Variants in RBFOX1 observed in about 807,000 individuals in gnomAD.
RBFOX1 encodes RNA binding protein fox-1 homolog 1.
A neutral mutation model predicts 57.7 loss-of-function variants in RBFOX1; 8 were observed. The observed-to-expected ratio is 0.14, with a 90% CI of 0.08 to 0.25. RBFOX1 has a LOEUF of 0.25. Ranked by LOEUF, RBFOX1 falls within the 10% of genes least tolerant of loss-of-function variation. The pLI is 1.00. For missense variants in RBFOX1, 611 were observed against 548.5 expected, an observed-to-expected ratio of 1.11 and a Z score of -1.14; for synonymous variants, 326 against 222.4, an observed-to-expected ratio of 1.47 and a Z score of -4.15.
At chr16:5,995,348 C>A (rs908020579) in intron 4 of RBFOX1, among the ~76,000 whole-genome samples, 8 of 152,186 alleles carry the variant, frequency 5.3e-5, no homozygotes, top group Admixed American at 3.3e-4. Context: ...AATAGGGCAA[C>A]TTCTGTGTAG....
At chr16:6,437,794 G>T (rs552100586) in intron 2 of RBFOX1, among the ~76,000 whole-genome samples, 2 of 152,102 alleles carry the variant, frequency 1.3e-5, no homozygotes, top group Non-Finnish European at 2.9e-5. Context: ...TAAATAACCA[G>T]ACCTCGTGAG....
At chr16:7,296,560 A>G (rs1231617961) in intron 4 of RBFOX1, among the ~76,000 whole-genome samples, 1 of 152,174 alleles carries the variant, frequency 6.6e-6, no homozygotes, top group Non-Finnish European at 1.5e-5. Context: ...GTTAGCTCAC[A>G]TGCTCATGTT....
In RBFOX1 at chr16:7,161,145, A is replaced by G. The variant is rs551346194; in HGVS notation, c.27+109047A>G. Among the ~76,000 whole-genome samples the G allele has an allele frequency of 2.6e-4, 39 of 152,146 alleles. 1 individual carries two copies. Among genetic ancestry groups the G allele is most frequent in the Admixed American group, 7.2e-4 (11 of 15,268 alleles). ...ACCTCTGGGATTACAAAATAATTTT[A>G]TACCACTTTCTATCTCTGGGTGATT... On this transcript the variant is annotated intron_variant, in intron 4 of 15. Transcript: ENST00000550418.
intron 5 of RBFOX1, among the ~76,000 whole-genome samples, chr16:7,575,589 G>C (rs1450507239): frequency 6.6e-6 from 1 of 152,188 alleles, no homozygotes; most frequent in East Asian, 1.9e-4. Context: ...GGCAAGGCAT[G>C]ATTCCTCCCT....
At position 6,785,334 on chromosome 16, in the gene RBFOX1, T is replaced by C. The variant is rs919355622; in HGVS notation, c.-16+130684T>C. Among the ~76,000 whole-genome samples the C allele has an allele frequency of 3.9e-5, 6 of 152,184 alleles. 1 individual carries two copies. The South Asian group carries it at 1.0e-3, about 26-fold the overall frequency. ...CTCATTTATCCAGACATCTCTGTGG[T>C]TCAGCAAATTTCCCAGTTGCCCTGT... On this transcript the variant is annotated intron_variant, in intron 3 of 15. Coordinates refer to ENST00000550418, the MANE Select transcript of RBFOX1 (RefSeq NM_018723.4).
chr16:6,305,479 C>A (rs1033804474), intron 1 of RBFOX1, among the ~76,000 whole-genome samples: 1 of 152,002 alleles, frequency 6.6e-6, no homozygotes, highest in African/African-American at 2.4e-5. Flanking sequence ...TACACATACT[C>A]ACATGCATAT....
intron 4 of RBFOX1, among the ~76,000 whole-genome samples, chr16:7,343,708 T>A (rs552996467): frequency 6.6e-6 from 1 of 152,216 alleles, no homozygotes; most frequent in African/African-American, 2.4e-5. Context: ...CAGGAGGTGG[T>A]ATGGAGTAGG....
intron 4 of RBFOX1, among the ~76,000 whole-genome samples, chr16:7,128,890 G>A (rs551355667): frequency 4.1e-5 from 6 of 147,126 alleles, no homozygotes; most frequent in East Asian, 4.0e-4. Context: ...GTGCAATCTC[G>A]GCTCACTGCA....
chr16:7,442,897 G>C (rs2098780083), intron 4 of RBFOX1, among the ~76,000 whole-genome samples: 1 of 152,150 alleles, frequency 6.6e-6, no homozygotes, highest in South Asian at 2.1e-4. Flanking sequence ...ACTCCATCAA[G>C]GAGATGATTT....
intron 3 of RBFOX1, among the ~76,000 whole-genome samples, chr16:7,001,319 T>G (rs555366404): frequency 1.3e-5 from 2 of 152,102 alleles, no homozygotes; most frequent in African/African-American, 2.4e-5. Flanking sequence ...GGTCAACTTA[T>G]GTATTTCCTA....
intron 1 of RBFOX1, among the ~76,000 whole-genome samples, chr16:5,360,480 A>G (rs747487589): frequency 9.2e-5 from 14 of 152,240 alleles, no homozygotes; most frequent in Non-Finnish European, 1.9e-4. Flanking sequence ...ACCTACATGC[A>G]CAGGTAATGG....
intron 1 of RBFOX1, among the ~76,000 whole-genome samples, chr16:6,259,916 G>A (rs1038838622): frequency 7.3e-5 from 11 of 149,962 alleles, no homozygotes; most frequent in Admixed American, 2.0e-4. Flanking sequence ...AGCTGAGATC[G>A]TGCCACTGAA....
chr16:5,603,101 C>G (rs943091368), downstream of RBFOX1, among the ~76,000 whole-genome samples: 1 of 152,222 alleles, frequency 6.6e-6, no homozygotes, highest in African/African-American at 2.4e-5. Flanking sequence ...CCCTGTGGCA[C>G]CAGTCAGCTC....
intron 2 of RBFOX1, among the ~76,000 whole-genome samples, chr16:6,444,393 C>T (rs577284010): frequency 7.2e-5 from 11 of 152,178 alleles, no homozygotes; most frequent in South Asian, 4.1e-4. Context: ...ACAATTCCTA[C>T]GGGTCATGGG....
intron 2 of RBFOX1, among the ~76,000 whole-genome samples, chr16:5,578,456 A>C (rs1473061065): frequency 6.6e-6 from 1 of 152,192 alleles, no homozygotes; most frequent in African/African-American, 2.4e-5. Flanking sequence ...TGGGCTCTAA[A>C]GCCCACCAGG....
chr16:7,253,794 G>A (rs2094574722), intron 4 of RBFOX1, among the ~76,000 whole-genome samples: 1 of 152,102 alleles, frequency 6.6e-6, no homozygotes, highest in Non-Finnish European at 1.5e-5. Flanking sequence ...TTCATGATGG[G>A]AAGGAATCTT....
At chr16:6,115,537 A>T (rs2096488685) in intron 1 of RBFOX1, among the ~76,000 whole-genome samples, 1 of 152,114 alleles carries the variant, frequency 6.6e-6, no homozygotes, top group Admixed American at 6.6e-5. Context: ...TGTCTGCATA[A>T]CGTCTGTTTT....
At chr16:7,295,817 G>A (rs1338374876) in intron 4 of RBFOX1, among the ~76,000 whole-genome samples, 2 of 152,102 alleles carry the variant, frequency 1.3e-5, no homozygotes, top group Admixed American at 1.3e-4. Context: ...TGAGGAACAA[G>A]AATAAACTCT....
In RBFOX1 at chr16:5,340,169, A is replaced by C. The variant is rs1041511616; in HGVS notation, c.219+100064A>C. ...AAAAATCCAACTTGCTTAAGGCTGA[A>C]TTATGACAAAAGACAGTTGCTTACA... is the stretch of plus-strand genomic sequence containing the variant. On this transcript the variant is annotated intron_variant, in intron 1 of 2. Coordinates refer to the RBFOX1 transcript ENST00000585867. 7.2e-5 allele frequency among the ~76,000 whole-genome samples: 11 copies of C among 152,194 alleles called. 1 individual carries two copies. Among genetic ancestry groups the C allele is most frequent in the African/African-American group, 2.4e-4 (10 of 41,440 alleles).
Sources: allele counts gnomAD v4.1 joint callset (sites outside exome capture counted in the v4.1 genomes callset), GRCh38; gene constraint gnomAD v4.1.1; transcripts MANE v1.5; gene names NCBI Gene and HGNC (gene_info 2026-07-23, HGNC 2026-07-21).